Variants in RETREG1 observed in about 807,000 individuals in gnomAD.
RETREG1 encodes the protein family with sequence similarity 134 member B.
In RETREG1, 44 loss-of-function variants were observed where a neutral mutation model predicts 54.8. The ratio of observed to expected loss-of-function variants is 0.80; its 90% CI spans 0.63 to 1.03. RETREG1 has a LOEUF of 1.03. Ranked by LOEUF, RETREG1 falls within the 50% of genes least tolerant of loss-of-function variation. RETREG1 has a pLI of 0.00. For synonymous variants in RETREG1, 217 were observed against 238.5 expected (o/e 0.91, Z 0.83); for missense variants, 554 against 605.1 (o/e 0.92, Z 0.89).
At chr5:16,537,834 C>T (rs1472563948) in intron 3 of RETREG1, among the ~76,000 whole-genome samples, 16 of 152,100 alleles carry the variant, frequency 1.1e-4, no homozygotes, top group African/African-American at 3.4e-4. Context: ...CACCCACAGG[C>T]GAACAGTGGC....
intron 1 of RETREG1, among the ~76,000 whole-genome samples, chr5:16,581,753 A>C (rs1398696750): frequency 6.7e-5 from 2 of 29,818 alleles, no homozygotes; most frequent in Non-Finnish European, 1.9e-4. Context: ...AAGAAAAAAA[A>C]CGATACATTT....
chr5:16,563,396 T>C (rs1052654147), intron 3 of RETREG1, among the ~76,000 whole-genome samples: 77 of 152,278 alleles, frequency 5.1e-4, no homozygotes, highest in African/African-American at 1.6e-3. Context: ...TAGCTCAATT[T>C]ACATGCATGC....
At chr5:16,490,580 A>C (rs954081752) in intron 3 of RETREG1, among the ~76,000 whole-genome samples, 2 of 152,052 alleles carry the variant, frequency 1.3e-5, no homozygotes, top group Non-Finnish European at 2.9e-5. Flanking sequence ...TTATAAACTT[A>C]CTACTTACTT....
At chr5:16,520,436 T>A (rs1389349381) in intron 3 of RETREG1, among the ~76,000 whole-genome samples, 3 of 152,140 alleles carry the variant, frequency 2.0e-5, no homozygotes, top group African/African-American at 7.2e-5. Context: ...TTCAAGCGAT[T>A]CTCCTGCCTC....
At chr5:16,550,799 T>C (rs889040205) in intron 3 of RETREG1, among the ~76,000 whole-genome samples, 1 of 152,212 alleles carries the variant, frequency 6.6e-6, no homozygotes, top group Non-Finnish European at 1.5e-5. Context: ...TGGAAAGGAA[T>C]GTAGTGCTGA....
chr5:16,496,802 A>G (rs1012996996), intron 3 of RETREG1, among the ~76,000 whole-genome samples: 3 of 152,266 alleles, frequency 2.0e-5, no homozygotes, highest in African/African-American at 4.8e-5. Context: ...CTCAAATGGT[A>G]GAAGCCATTA....
chr5:16,591,227 A>G (rs932103507), intron 1 of RETREG1, among the ~76,000 whole-genome samples: 19 of 152,228 alleles, frequency 1.2e-4, no homozygotes, highest in Admixed American at 1.3e-4. Flanking sequence ...AGAACTTGAT[A>G]CTTCATCATT....
chr5:16,615,578 A>G (rs562016708), intron 1 of RETREG1, among the ~76,000 whole-genome samples: 1 of 152,270 alleles, frequency 6.6e-6, no homozygotes, highest in South Asian at 2.1e-4. Flanking sequence ...TAGATTTGGA[A>G]TAAACTCTAT....
intron 3 of RETREG1, among the ~76,000 whole-genome samples, chr5:16,506,848 C>T (rs1266325100): frequency 6.6e-6 from 1 of 152,158 alleles, no homozygotes; most frequent in East Asian, 1.9e-4. Flanking sequence ...AAAATTAAAA[C>T]TACAGGTAGT....
In RETREG1 at chr5:16,588,160, T is replaced by C. The variant is rs528268937; in HGVS notation, c.321-16058A>G. Among the ~76,000 whole-genome samples the C allele has an allele frequency of 2.6e-5, 4 of 152,324 alleles. No individual in the cohort carries two copies. In the South Asian group the frequency reaches 8.3e-4, roughly 32 times the overall value. On this transcript the variant is annotated intron_variant, in intron 1 of 8. Transcript: ENST00000306320. ...ACACTACAGACAGGGTGGCTTAAACTACAGAAGTTTATTTTCTCACAATTT... is the reference window on the plus strand; with the variant it reads ...ACACTACAGACAGGGTGGCTTAAACCACAGAAGTTTATTTTCTCACAATTT...
intron 3 of RETREG1, among the ~76,000 whole-genome samples, chr5:16,513,434 T>C (rs1740244900): frequency 6.6e-6 from 1 of 152,230 alleles, no homozygotes; most frequent in Admixed American, 6.5e-5. Context: ...GGGGACCTCC[T>C]TGCACACGTT....
At chr5:16,584,088 C>T (rs1009437502) in intron 1 of RETREG1, among the ~76,000 whole-genome samples, 6 of 151,702 alleles carry the variant, frequency 4.0e-5, no homozygotes, top group Admixed American at 6.6e-5. Context: ...GGGAGCTAAG[C>T]TATGAGGACA....
intron 3 of RETREG1, among the ~76,000 whole-genome samples, chr5:16,543,309 T>G (rs1057304196): frequency 6.6e-6 from 1 of 152,170 alleles, no homozygotes; most frequent in Non-Finnish European, 1.5e-5. Context: ...CTGTTTTCAT[T>G]TCTCTTAGCT....
intron 3 of RETREG1, among the ~76,000 whole-genome samples, chr5:16,533,073 G>GTC (rs1422690116): frequency 6.6e-6 from 1 of 151,354 alleles, no homozygotes; most frequent in Non-Finnish European, 1.5e-5. Context: ...TTGAGACGGA[G>GTC]TCTCTCTCTC....
At chr5:16,492,133 G>A (rs1182949445) in intron 3 of RETREG1, among the ~76,000 whole-genome samples, 1 of 150,098 alleles carries the variant, frequency 6.7e-6, no homozygotes, top group South Asian at 2.1e-4. Context: ...TCCCTTTTTG[G>A]TTTTGCTTTT....
At chr5:16,552,770 C>T (rs971152570) in intron 3 of RETREG1, among the ~76,000 whole-genome samples, 1 of 152,220 alleles carries the variant, frequency 6.6e-6, no homozygotes, top group Non-Finnish European at 1.5e-5. Flanking sequence ...CACCTTTCAT[C>T]GGACTTTCTT....
chr5:16,549,447 T>G (rs1741472949), intron 3 of RETREG1, among the ~76,000 whole-genome samples: 1 of 152,180 alleles, frequency 6.6e-6, no homozygotes, highest in African/African-American at 2.4e-5. Context: ...TAAGTAAAAC[T>G]GTGGAGAAAG....
At chr5:16,591,042 A>G (rs1268722237) in intron 1 of RETREG1, among the ~76,000 whole-genome samples, 1 of 152,230 alleles carries the variant, frequency 6.6e-6, no homozygotes, top group Non-Finnish European at 1.5e-5. Flanking sequence ...GAGAACTTAA[A>G]TATCTATCAT....
At chr5:16,482,035 A>G (rs1395499708) in intron 4 of RETREG1, among the ~76,000 whole-genome samples, 4 of 152,168 alleles carry the variant, frequency 2.6e-5, no homozygotes, top group Non-Finnish European at 5.9e-5. Context: ...ATAAAGAGCA[A>G]AGGGGTCTAA....
Sources: gnomAD v4.1 joint callset for allele counts (sites outside exome capture counted in the v4.1 genomes callset) on GRCh38, gnomAD v4.1.1 for gene constraint, MANE v1.5 for transcripts, NCBI Gene and HGNC (gene_info 2026-07-23, HGNC 2026-07-21) for gene names.